Variants in WWOX observed in about 807,000 individuals in gnomAD.
WWOX encodes the protein WW domain-containing oxidoreductase.
Under a neutral mutation model 46.2 loss-of-function variants are expected in WWOX, and 69 were observed. The observed-to-expected ratio is 1.49, with a 90% CI of 1.23 to 1.82. The LOEUF is 1.82. Ranked by LOEUF, WWOX falls within the 40% of genes most tolerant of loss-of-function variation. The probability of loss-of-function intolerance (pLI) is 0.00; values close to 1 mark genes in which losing one functional copy is unlikely to be tolerated. For missense variants in WWOX, 919 were observed against 542.6 expected (o/e 1.69, Z -6.89); for synonymous variants, 359 against 202.6 (o/e 1.77, Z -6.56).
chr16:78,645,124 G>T (rs1255523509), intron 8 of WWOX, among the ~76,000 whole-genome samples: 2 of 152,056 alleles, frequency 1.3e-5, no homozygotes, highest in African/African-American at 4.8e-5. Flanking sequence ...AGTTACAATG[G>T]TCTGCTTGCT....
Position 78,923,171 on chromosome 16 carries a change from G to T in WWOX, c.1057-288437G>T, listed in dbSNP as rs552408379. The stretch of plus-strand genomic sequence containing the variant: ...TAATTTTGTATTTTTAGTAGAGACG[G>T]GGTTTCTCCATGTTGGTCAGGCTGG... On this transcript the variant is annotated intron_variant, in intron 8 of 8. Coordinates refer to ENST00000566780, the MANE Select transcript of WWOX (RefSeq NM_016373.4). 7.2e-5 allele frequency among the ~76,000 whole-genome samples: 11 copies of T among 151,834 alleles called. No homozygotes were observed. In the South Asian group the frequency reaches 8.3e-4, roughly 12 times the overall value.
At chr16:78,996,845 C>T (rs1014830784) in intron 8 of WWOX, among the ~76,000 whole-genome samples, 21 of 152,172 alleles carry the variant, frequency 1.4e-4, no homozygotes, top group African/African-American at 5.1e-4. Flanking sequence ...AACATCTCCC[C>T]GGCCTCCGAC....
At chr16:78,132,304 G>C (rs1420668351) in intron 4 of WWOX, among the ~76,000 whole-genome samples, 2 of 152,082 alleles carry the variant, frequency 1.3e-5, no homozygotes, top group East Asian at 3.9e-4. Context: ...GGGATTACAG[G>C]CGTGAGCCAC....
At chr16:78,131,569 A>C (rs543089997) in intron 4 of WWOX, among the ~76,000 whole-genome samples, 160 of 152,050 alleles carry the variant, frequency 1.1e-3, no homozygotes, top group African/African-American at 3.6e-3. Context: ...TTAAAAGTAC[A>C]GGATACTAAA....
At chr16:78,980,824 T>G (rs945244109) in intron 8 of WWOX, among the ~76,000 whole-genome samples, 1 of 152,222 alleles carries the variant, frequency 6.6e-6, no homozygotes, top group Non-Finnish European at 1.5e-5. Context: ...AGGGTTATCT[T>G]GAAAGTCCTC....
chr16:78,359,242 G>C (rs1349247588), intron 5 of WWOX, among the ~76,000 whole-genome samples: 1 of 152,082 alleles, frequency 6.6e-6, no homozygotes, highest in Non-Finnish European at 1.5e-5. Context: ...CACAAAGAAG[G>C]CCTGGGTTTG....
intron 5 of WWOX, among the ~76,000 whole-genome samples, chr16:78,205,102 A>C (rs2036350728): frequency 6.6e-6 from 1 of 152,224 alleles, no homozygotes; most frequent in African/African-American, 2.4e-5. Context: ...TCCAGGAGGC[A>C]GAGGAGTTGG....
At chr16:78,713,852 T>TA (rs2048501581) in intron 8 of WWOX, among the ~76,000 whole-genome samples, 1 of 152,170 alleles carries the variant, frequency 6.6e-6, no homozygotes, top group Admixed American at 6.5e-5. Flanking sequence ...GGGAAACAGA[T>TA]ACCTCCGCCA....
intron 8 of WWOX, among the ~76,000 whole-genome samples, chr16:79,026,464 G>A (rs866626067): frequency 6.6e-6 from 1 of 151,498 alleles, no homozygotes; most frequent in East Asian, 1.9e-4. Flanking sequence ...TCTCACATCA[G>A]CTTGCAGTTC....
intron 4 of WWOX, among the ~76,000 whole-genome samples, chr16:78,144,516 TATA>T (rs1432192736): frequency 5.4e-4 from 23 of 42,924 alleles, no homozygotes; most frequent in East Asian, 3.3e-3. Context: ...TATATATATA[TATA>T]TATATTTTTT....
At chr16:79,055,515 T>A (rs1050955800) in intron 8 of WWOX, among the ~76,000 whole-genome samples, 20 of 152,314 alleles carry the variant, frequency 1.3e-4, no homozygotes, top group African/African-American at 4.8e-4. Context: ...CTCCATCCAT[T>A]GGAAGTCATC....
chr16:78,277,020 A>G (rs1043724181), intron 5 of WWOX, among the ~76,000 whole-genome samples: 1 of 152,302 alleles, frequency 6.6e-6, no homozygotes, highest in African/African-American at 2.4e-5. Flanking sequence ...TCACTGTGGG[A>G]AACTTACTCT....
intron 5 of WWOX, among the ~76,000 whole-genome samples, chr16:78,381,194 G>A (rs1045173026): frequency 1.3e-5 from 2 of 152,186 alleles, no homozygotes; most frequent in African/African-American, 4.8e-5. Context: ...GTTTCAGGCA[G>A]TATCGCATCA....
intron 5 of WWOX, among the ~76,000 whole-genome samples, chr16:78,309,466 G>C (rs917991887): frequency 3.3e-5 from 5 of 152,108 alleles, no homozygotes; most frequent in African/African-American, 1.2e-4. Context: ...CGTATGACTT[G>C]GAAGCCCTCA....
chr16:79,138,229 G>A (rs142576336), intron 8 of WWOX, among the ~76,000 whole-genome samples: 4 of 152,274 alleles, frequency 2.6e-5, no homozygotes, highest in Non-Finnish European at 4.4e-5. Flanking sequence ...CATTCCAGTT[G>A]GGGAAGGTTT....
intron 8 of WWOX, among the ~76,000 whole-genome samples, chr16:78,983,171 C>T (rs949918810): frequency 6.6e-5 from 10 of 152,164 alleles, no homozygotes; most frequent in African/African-American, 2.4e-4. Flanking sequence ...TTAGGAATTC[C>T]TTCATAGAAT....
intron 6 of WWOX, among the ~76,000 whole-genome samples, chr16:78,416,094 A>T (rs574480654): frequency 1.3e-5 from 2 of 152,334 alleles, no homozygotes; most frequent in African/African-American, 4.8e-5. Flanking sequence ...CACAGATGAG[A>T]ATCCACCCAA....
chr16:79,168,856 C>G (rs902148236), intron 8 of WWOX, among the ~76,000 whole-genome samples: 1 of 152,138 alleles, frequency 6.6e-6, no homozygotes, highest in Admixed American at 6.5e-5. Flanking sequence ...GCTGTGGCCT[C>G]GAGTTCCTTA....
intron 5 of WWOX, among the ~76,000 whole-genome samples, chr16:78,335,193 C>A (rs932892934): frequency 5.9e-5 from 9 of 152,138 alleles, no homozygotes; most frequent in Admixed American, 4.6e-4. Flanking sequence ...CATAGGTAAT[C>A]ATCTGCCACG....
Sources: gnomAD v4.1 joint callset for allele counts (sites outside exome capture counted in the v4.1 genomes callset) on GRCh38, gnomAD v4.1.1 for gene constraint, MANE v1.5 for transcripts, NCBI Gene and HGNC (gene_info 2026-07-23, HGNC 2026-07-21) for gene names.